BCR: variants seen among roughly 807,000 people sequenced by gnomAD.
The protein encoded by BCR is breakpoint cluster region protein.
A neutral mutation model predicts 138.6 loss-of-function variants in BCR; 58 were observed. The observed-to-expected ratio is 0.42, with a 90% CI of 0.34 to 0.52. The LOEUF is 0.52. Among genes scored for constraint, BCR ranks in the 20% least tolerant of loss-of-function variants. The pLI, the probability that BCR is intolerant of heterozygous loss-of-function variation, is 0.06. For missense variants in BCR, 1,599 were observed against 1,727.2 expected (o/e 0.93, Z 1.32); for synonymous variants, 786 against 730.1 (o/e 1.08, Z -1.23).
At chr22:23,263,056 G>T in intron 4 of BCR, 1 of 736,062 alleles carries the variant, frequency 1.4e-6, no homozygotes, top group Non-Finnish European at 2.1e-6. Flanking sequence ...AGGGCTAGGC[G>T]GCGGGAGGGC....
chr22:23,267,341 G>A (rs1052961755), intron 4 of BCR, among the ~76,000 whole-genome samples: 2 of 152,118 alleles, frequency 1.3e-5, no homozygotes, highest in Non-Finnish European at 2.9e-5. Context: ...GGGCCTGGCA[G>A]GTGTCTTCCA....
intron 16 of BCR, among the ~76,000 whole-genome samples, chr22:23,298,232 A>G (rs1236148049): frequency 1.3e-5 from 2 of 152,178 alleles, no homozygotes; most frequent in Admixed American, 1.3e-4. Flanking sequence ...ACCCGACAGG[A>G]TTCTTGCTGA....
Position 23,273,726 on chromosome 22 carries a change from TGAG to T in BCR, c.2071_2073del (p.Glu691del). On this transcript the variant is annotated inframe_deletion, in exon 8 of 23. Coordinates refer to ENST00000305877, the MANE Select transcript of BCR (RefSeq NM_004327.4). The stretch of plus-strand genomic sequence containing the variant: ...CACAGAACTTCCTGTCCAGCATCAA[TGAG>T]GAGATCACACCCCGACGGCAGTCCA... The T allele has an allele frequency of 6.2e-7, 1 of 1,614,060 alleles. No individual in the cohort carries two copies. The highest frequency in any genetic ancestry group is 8.5e-7 in the Non-Finnish European group (1 of 1,180,020).
intron 8 of BCR, among the ~76,000 whole-genome samples, chr22:23,278,911 C>G (rs1291182001): frequency 6.6e-6 from 1 of 152,194 alleles, no homozygotes; most frequent in Non-Finnish European, 1.5e-5. Context: ...ATGTCGAGGG[C>G]TGGGCCTTTC....
intron 1 of BCR, among the ~76,000 whole-genome samples, chr22:23,215,953 A>G (rs6003560): frequency 0.055 from 8,377 of 152,244 alleles, 757 homozygotes; most frequent in African/African-American, 0.19. Context: ...TAGAATTACC[A>G]CGTTCCCTTT....
chr22:23,188,473 C>G (rs1167111601), intron 1 of BCR, among the ~76,000 whole-genome samples: 1 of 152,184 alleles, frequency 6.6e-6, no homozygotes, highest in Admixed American at 6.5e-5. Context: ...GCTAACCTCA[C>G]CAGGACAAAG....
chr22:23,264,398 G>T, intron 4 of BCR: 1 of 777,690 alleles, frequency 1.3e-6, no homozygotes, highest in Non-Finnish European at 2.3e-6. Context: ...AAGGAGACCA[G>T]TGAGTCAGGG....
At chr22:23,227,363 A>C (rs2072907096) in intron 1 of BCR, among the ~76,000 whole-genome samples, 1 of 152,180 alleles carries the variant, frequency 6.6e-6, no homozygotes, top group Admixed American at 6.5e-5. Flanking sequence ...TTTTGTGTGA[A>C]TTGCACAGCC....
rs941395156 is a variant in BCR at position 23,271,446 on chromosome 22, G to T, written c.1861-86G>T. On this transcript the variant is annotated intron_variant, in intron 5 of 22. Transcript: ENST00000305877. ...CTGGGGTTTGTTGTAGTGAGGGAAA[G>T]CTGAAATTGTTGCCAAAGGGGGAAC... The T allele has an allele frequency of 1.0e-5, 14 of 1,394,192 alleles. No individual in the cohort carries two copies. In the Admixed American group the frequency reaches 2.3e-4, roughly 23 times the overall value. 86.4% of individuals were successfully genotyped at this position (1,394,192 alleles called of 1,614,324 possible).
At chr22:23,295,797 G>C (rs1220388942) in intron 16 of BCR, among the ~76,000 whole-genome samples, 1 of 152,082 alleles carries the variant, frequency 6.6e-6, no homozygotes, top group Non-Finnish European at 1.5e-5. Context: ...ACGCCACCAG[G>C]GTTTCCTGGA....
chr22:23,224,601 G>T (rs2072866011), intron 1 of BCR, among the ~76,000 whole-genome samples: 1 of 152,198 alleles, frequency 6.6e-6, no homozygotes, highest in African/African-American at 2.4e-5. Context: ...CTGCTGAGAG[G>T]CCGGGGGCTG....
In BCR at chr22:23,181,793, C is replaced by T; in HGVS notation, c.833C>T (p.Pro278Leu). The T allele has an allele frequency of 1.2e-6, 2 of 1,609,040 alleles. No individual in the cohort carries two copies. Among genetic ancestry groups the T allele is most frequent in the Non-Finnish European group, 1.7e-6 (2 of 1,179,986 alleles). ...CCTTGGCCGCCCCTGGAGTACCAGC[C>T]CTACCAGAGCATCTACGTCGGGGGC... ...RPPWPPLEYQ[P>L]YQSIYVGGMM... Residue 278 changes from proline to leucine, a missense_variant, in exon 1 of 23, where the codon CCC (proline) becomes CTC (leucine). Physicochemically the swap from Pro to Leu is moderately conservative, Grantham distance 98 (BLOSUM62 -3). Around this residue, in one of 4 missense-constraint regions of BCR, gnomAD observed 806 missense variants for 635.0 expected, o/e 1.27. Transcript: ENST00000305877.
At chr22:23,228,373 A>T (rs116729044) in intron 1 of BCR, among the ~76,000 whole-genome samples, 2 of 152,088 alleles carry the variant, frequency 1.3e-5, no homozygotes, top group Non-Finnish European at 2.9e-5. Context: ...TTTAATAGTA[A>T]TGTTTCATTT....
intron 1 of BCR, among the ~76,000 whole-genome samples, chr22:23,245,888 C>T (rs558401210): frequency 9.5e-4 from 144 of 152,222 alleles, no homozygotes; most frequent in Middle Eastern, 3.4e-3. Context: ...CTTTTAGTGC[C>T]TTCACAGTGT....
At chr22:23,302,122 A>C (rs1344228653) in intron 16 of BCR, among the ~76,000 whole-genome samples, 2 of 152,208 alleles carry the variant, frequency 1.3e-5, no homozygotes, top group African/African-American at 2.4e-5. Flanking sequence ...TCGTGCAAGA[A>C]GGGAGGTGGG....
chr22:23,265,111 A>T (rs1411758266), intron 4 of BCR: 1 of 152,202 alleles, frequency 6.6e-6, no homozygotes, highest in African/African-American at 2.4e-5. Context: ...AATATTCCGA[A>T]ATCACTCAGA....
chr22:23,235,019 G>A (rs1383180340), intron 1 of BCR, among the ~76,000 whole-genome samples: 1 of 144,222 alleles, frequency 6.9e-6, no homozygotes, highest in Non-Finnish European at 1.6e-5. Context: ...GCCACAGTGA[G>A]GGTGAAAACC....
At position 23,182,661 on chromosome 22, in the gene BCR, T is replaced by G. The variant is rs557058620; in HGVS notation, c.1279+422T>G. Among the ~76,000 whole-genome samples the G allele has an allele frequency of 2.6e-5, 4 of 152,322 alleles. No individual in the cohort carries two copies. The South Asian group carries it at 8.3e-4, about 32-fold the overall frequency. ...CGGATGCTGTTAGCAGGGACTGATT[T>G]ATGTCTTGGGCATTCCCCGCCACCC... is the stretch of plus-strand genomic sequence containing the variant. On this transcript the variant is annotated intron_variant, in intron 1 of 22. Transcript: ENST00000305877.
intron 16 of BCR, chr22:23,306,809 C>G (rs1205622072): frequency 6.6e-6 from 1 of 152,516 alleles, no homozygotes; most frequent in East Asian, 1.9e-4. Flanking sequence ...TCCACCCTGG[C>G]CATGATGCAG....
Sources: gnomAD v4.1 joint callset for allele counts (sites outside exome capture counted in the v4.1 genomes callset) on GRCh38, gnomAD v4.1.1 for gene constraint, gnomAD v4.1.1 regional missense constraint, MANE v1.5 for transcripts, NCBI Gene and HGNC (gene_info 2026-07-23, HGNC 2026-07-21) for gene names.